Variants in RUFY2 observed in about 807,000 individuals in gnomAD.
The protein encoded by RUFY2 is RUN and FYVE domain-containing protein 2.
A neutral mutation model predicts 94.4 loss-of-function variants in RUFY2; 49 were observed. The ratio of observed to expected loss-of-function variants is 0.52; its 90% CI spans 0.41 to 0.66. The LOEUF (loss-of-function observed/expected upper bound fraction) is 0.66, where lower values mean the gene tolerates loss of function less well. RUFY2 is among the 30% of genes least tolerant of loss of function. RUFY2 has a pLI of 0.00. For synonymous variants in RUFY2, 255 were observed against 235.7 expected (o/e 1.08, Z -0.75); for missense variants, 541 against 692.8 (o/e 0.78, Z 2.46).
intron 13 of RUFY2, among the ~76,000 whole-genome samples, chr10:68,366,983 CA>C: frequency 6.6e-6 from 1 of 150,610 alleles, no homozygotes; most frequent in East Asian, 1.9e-4. Context: ...GCCTGGCCAA[CA>C]TGGTGAAACC....
rs1440966909 is a variant in RUFY2 at position 68,364,032 on chromosome 10, G to A, written c.1407C>T (p.Ala469=). The A allele has an allele frequency of 1.2e-6, 2 of 1,609,246 alleles. No homozygotes were observed. Residue 469 remains alanine (A), a synonymous_variant, in exon 14 of 18, where the codon GCC becomes GCT. Coordinates refer to ENST00000602465, the MANE Select transcript of RUFY2 (RefSeq NM_001330103.2). ...GAGTCTCATTTCTAAGATGAGATAA[G>A]GCATCTTTCTCCTTTTGAAGATCTT... ...LQEDLQKEKD[A]LSHLRNETQQ...
chr10:68,387,965 C>T (rs1450477310), intron 7 of RUFY2, among the ~76,000 whole-genome samples: 3 of 151,510 alleles, frequency 2.0e-5, no homozygotes, highest in African/African-American at 7.3e-5. Context: ...ATCGCACCAT[C>T]GCACTCCAGC....
chr10:68,358,811 T>C (rs557017397), intron 15 of RUFY2, among the ~76,000 whole-genome samples: 42 of 152,092 alleles, frequency 2.8e-4, no homozygotes, highest in Non-Finnish European at 6.0e-4. Context: ...CTCTGGAGGC[T>C]GAGGCAGGAG....
chr10:68,396,706 A>T, intron 4 of RUFY2, 74 bp downstream of exon 4: 1 of 933,624 alleles, frequency 1.1e-6, no homozygotes, highest in South Asian at 1.6e-5. Flanking sequence ...TTCATATTAC[A>T]TCTTAAATCC....
At chr10:68,377,118 G>A (rs1289116501) in intron 12 of RUFY2, 146 bp from the exon 13 acceptor site, 9 of 1,497,418 alleles carry the variant, frequency 6.0e-6, no homozygotes, top group South Asian at 5.0e-5. Flanking sequence ...AAACTCAAAC[G>A]TGAAAGAGCC....
chr10:68,392,157 G>A (rs928644203), intron 7 of RUFY2, among the ~76,000 whole-genome samples: 20 of 151,054 alleles, frequency 1.3e-4, no homozygotes, highest in Admixed American at 8.6e-4. Context: ...TCATCCTCCC[G>A]AGTAGCTGGG....
chr10:68,359,321 CATAT>C (rs2047268174), intron 15 of RUFY2, among the ~76,000 whole-genome samples: 1 of 116,938 alleles, frequency 8.6e-6, no homozygotes, highest in Non-Finnish European at 2.0e-5. Context: ...CGTATATATA[CATAT>C]ATAAAATAAG....
chr10:68,366,453 A>C (rs906771341), intron 13 of RUFY2, among the ~76,000 whole-genome samples: 7 of 151,570 alleles, frequency 4.6e-5, no homozygotes, highest in Middle Eastern at 3.4e-3. Flanking sequence ...ACTTAGAAAA[A>C]ATTTTCAGGC....
At chr10:68,386,538 C>T (rs1370459086) in intron 7 of RUFY2, among the ~76,000 whole-genome samples, 3 of 151,988 alleles carry the variant, frequency 2.0e-5, no homozygotes, top group South Asian at 2.1e-4. Flanking sequence ...TTAGTAGAGA[C>T]GGGGTTACAC....
intron 15 of RUFY2, among the ~76,000 whole-genome samples, chr10:68,361,284 A>AG (rs1466720648): frequency 3.9e-5 from 6 of 152,058 alleles, no homozygotes; most frequent in Non-Finnish European, 8.8e-5. Flanking sequence ...CCTCTCAAAG[A>AG]GAAAAAAAAA....
chr10:68,372,635 A>AC (rs2048358956), intron 13 of RUFY2, among the ~76,000 whole-genome samples: 1 of 151,190 alleles, frequency 6.6e-6, no homozygotes, highest in Admixed American at 6.6e-5. Flanking sequence ...CACGGCTGTA[A>AC]TCCCAGCACT....
At chr10:68,398,417 CAAGGCGGGTGGATCACTTGA>C (rs1235707858) in intron 3 of RUFY2, among the ~76,000 whole-genome samples, 2 of 152,058 alleles carry the variant, frequency 1.3e-5, no homozygotes, top group Non-Finnish European at 2.9e-5. Flanking sequence ...TTTGGGAGGC[CAAGGCGGGTGGATCACTTGA>C]GGTCAGGAGT....
In RUFY2 at chr10:68,345,927, A is replaced by G. The variant is rs1256247222; in HGVS notation, c.1678-16T>C. On this transcript the variant is annotated splice_polypyrimidine_tract_variant and intron_variant, in intron 17 of 17. Transcript: ENST00000602465. ...TACAGTGGTGCTATTAAACAGAAAA[A>G]TCAGAGGGAAAAAAACACTTTAAAT... The G allele has an allele frequency of 6.2e-7, 1 of 1,612,678 alleles. No homozygotes were observed. Among genetic ancestry groups the G allele is most frequent in the Admixed American group, 1.7e-5 (1 of 59,672 alleles).
intron 13 of RUFY2, among the ~76,000 whole-genome samples, 171 bp downstream of exon 13, chr10:68,376,682 A>C (rs1482330328): frequency 6.6e-6 from 1 of 151,436 alleles, no homozygotes; most frequent in East Asian, 1.9e-4. Context: ...GAGTAAAAAC[A>C]TAAGTATTAT....
rs146071072 is a variant in RUFY2 at position 68,364,799 on chromosome 10, C to A, written c.1326-686G>T. Among the ~76,000 whole-genome samples, 97 of 151,664 alleles carry A rather than the reference C, an allele frequency of 6.4e-4. 2 individuals are homozygous for A. The East Asian group carries it at 0.018, about 28-fold the overall frequency. On this transcript the variant is annotated intron_variant, in intron 13 of 17. Transcript: ENST00000602465. ...AAACTCCTGGACTCAAACTCCTGGG[C>A]TCCTCCCACCTCAGCCTCTCAGCAT...
In RUFY2 at chr10:68,400,403, A is replaced by G. The variant is rs148279208; in HGVS notation, c.296+1217T>C. On this transcript the variant is annotated intron_variant, in intron 3 of 17. Coordinates refer to ENST00000602465, the MANE Select transcript of RUFY2 (RefSeq NM_001330103.2). ...TAAAGAATATAAGAACTGGTCAGGC[A>G]CGGTGGCTCACGCCTGTAATCCCAG... is the stretch of plus-strand genomic sequence containing the variant. 2.8e-4 allele frequency among the ~76,000 whole-genome samples: 43 copies of G among 152,156 alleles called. 1 individual carries two copies. Among genetic ancestry groups the G allele is most frequent in the East Asian group, 2.3e-3 (12 of 5,166 alleles).
intron 1 of RUFY2, among the ~76,000 whole-genome samples, chr10:68,406,064 CA>C (rs1383143685): frequency 6.6e-6 from 1 of 152,192 alleles, no homozygotes; most frequent in African/African-American, 2.4e-5. Flanking sequence ...TCAACAAACA[CA>C]GATGACAAAA....
intron 12 of RUFY2, chr10:68,377,440 T>C (rs1369323885): frequency 8.0e-6 from 8 of 995,792 alleles, no homozygotes; most frequent in African/African-American, 1.7e-5. Context: ...AGCAAAGACC[T>C]GCAATTACTC....
At chr10:68,389,223 G>A (rs1012161502) in intron 7 of RUFY2, among the ~76,000 whole-genome samples, 1 of 152,242 alleles carries the variant, frequency 6.6e-6, no homozygotes, top group Admixed American at 6.5e-5. Flanking sequence ...TAAAACATAA[G>A]GTATACAAAA....
Sources: gnomAD v4.1 joint callset for allele counts (sites outside exome capture counted in the v4.1 genomes callset) on GRCh38, gnomAD v4.1.1 for gene constraint, MANE v1.5 for transcripts, NCBI Gene and HGNC (gene_info 2026-07-23, HGNC 2026-07-21) for gene names.